CEP131: variants seen among roughly 807,000 people sequenced by gnomAD.
CEP131 encodes the protein centrosomal protein 131, also known as centrosomal protein of 131 kDa.
In CEP131, 99 loss-of-function variants were observed where a neutral mutation model predicts 136.8. That is an observed-to-expected ratio of 0.72 (90% confidence interval 0.62 to 0.86). The LOEUF (loss-of-function observed/expected upper bound fraction) is 0.86. CEP131 is among the 40% of genes least tolerant of loss of function. The probability of loss-of-function intolerance (pLI) is 0.00; values close to 1 mark genes in which losing one functional copy is unlikely to be tolerated. For synonymous variants in CEP131, 646 were observed against 612.7 expected (o/e 1.05, Z -0.80); for missense variants, 1,459 against 1,463.0 (o/e 1.00, Z 0.04).
intron 7 of CEP131, 81 bp from the exon 8 acceptor site, chr17:81,200,527 C>G (rs149451770): frequency 9.1e-7 from 1 of 1,093,978 alleles, no homozygotes; most frequent in Non-Finnish European, 1.3e-6. Flanking sequence ...GAAGGTCGAG[C>G]CGGGGAAGAG....
In CEP131 at chr17:81,195,895, C is replaced by T. The variant is rs1392169145; in HGVS notation, c.1956G>A (p.Leu652=). 1.2e-6 allele frequency: 2 copies of T among 1,609,798 alleles called. No homozygotes were observed. The highest frequency in any genetic ancestry group is 1.7e-5 in the Admixed American group (1 of 60,006). The part of the protein sequence containing the change: ...SEKCEAVVAE[L]KQEDQRCTER... ...CGGTGCATCTCTGGTCCTCCTGCTT[C>T]AGCTCGGCCACCACAGCCTCGCACT... is the stretch of plus-strand genomic sequence containing the variant. The change falls in exon 16 of 26, where the codon CTG becomes CTA. Residue 652 remains leucine, a synonymous_variant. Transcript: ENST00000450824.
At chr17:81,197,283 A>G in intron 13 of CEP131, 1 of 611,914 alleles carries the variant, frequency 1.6e-6, no homozygotes, top group Non-Finnish European at 2.8e-6. Context: ...AAACCATTTA[A>G]AAAGTTCTAT....
chr17:81,207,925 A>C (rs143690848), intron 3 of CEP131, among the ~76,000 whole-genome samples: 2 of 114 alleles, frequency 0.018, no homozygotes, highest in African/African-American at 0.05. Context: ...CATAACACAC[A>C]CACCACACAC....
In CEP131 at chr17:81,203,397, C is replaced by T. The variant is rs913024933; in HGVS notation, c.629+97G>A. 24 of 953,964 alleles carry T rather than the reference C, an allele frequency of 2.5e-5. No individual in the cohort carries two copies. The highest frequency in any genetic ancestry group is 4.9e-4 in the Middle Eastern group (2 of 4,106). The allele number at this position is 953,964 out of a possible 1,614,324, so 59.1% of individuals were successfully genotyped here. On this transcript the variant is annotated intron_variant, in intron 6 of 25. Coordinates refer to ENST00000450824, the MANE Select transcript of CEP131 (RefSeq NM_014984.4). This position sits in a 1 kb window ranked among gnomAD's most constrained non-coding sequence, Gnocchi z 4.6. ...AAGGTAGAACCCTGTGTGAACTGAC[C>T]GCGTGCCCTGACCGAGGTCGGACCC...
chr17:81,200,474 A>G, intron 7 of CEP131, 28 bp from the exon 8 acceptor site: 1 of 1,496,896 alleles, frequency 6.7e-7, no homozygotes, highest in Non-Finnish European at 9.1e-7. Flanking sequence ...CTCAGGGCCA[A>G]GACAGGACCA....
At chr17:81,197,172 A>G (rs2061778184) in intron 13 of CEP131, 117 bp from the exon 14 acceptor site, 7 of 1,412,766 alleles carry the variant, frequency 5.0e-6, no homozygotes, top group Admixed American at 5.6e-5. Context: ...TGCACACGGG[A>G]GCCCGTGGGA....
chr17:81,202,210 GC>G lies in CEP131; in HGVS notation c.788+29del, dbSNP rs749579828. 1.1e-3 allele frequency: 1,536 copies of G among 1,433,718 alleles called. 1 individual carries two copies. The highest frequency in any genetic ancestry group is 2.5e-3 in the Admixed American group (129 of 50,766). 88.8% of individuals were successfully genotyped at this position (1,433,718 alleles called of 1,614,324 possible). A position where few individuals can be genotyped will look rare whatever the true frequency, so the allele number is the denominator to read the frequency against. ...GCCCACCTCTGTGTTCTAGGCTCAG[GC>G]CCCCCCCCACCGCCCCAAGATCGGT... On this transcript the variant is annotated intron_variant, in intron 7 of 25. Coordinates refer to ENST00000450824, the MANE Select transcript of CEP131 (RefSeq NM_014984.4).
chr17:81,217,152 T>A (rs2062265384), intron 2 of CEP131, among the ~76,000 whole-genome samples: 1 of 150,314 alleles, frequency 6.7e-6, no homozygotes, highest in African/African-American at 2.5e-5. Context: ...GGAACCAGAG[T>A]GAATAATGAT....
intron 19 of CEP131, 51 bp downstream of exon 19, chr17:81,192,685 G>GGGGGGGGCGCC: frequency 2.1e-6 from 1 of 478,438 alleles, no homozygotes; most frequent in Non-Finnish European, 4.1e-6. Context: ...GGGGGGAGGG[G>GGGGGGGGCGCC]TCAGCCAGCG....
intron 1 of CEP131, 37 bp from the exon 2 acceptor site, chr17:81,220,110 G>A (rs188498318): frequency 1.2e-5 from 18 of 1,457,936 alleles, no homozygotes; most frequent in Non-Finnish European, 1.6e-5. Context: ...GAGATGCCGT[G>A]GGGGAACTAC....
At chr17:81,210,777 A>AT (rs1204810842) in intron 2 of CEP131, among the ~76,000 whole-genome samples, 4 of 148,356 alleles carry the variant, frequency 2.7e-5, no homozygotes, top group Non-Finnish European at 4.4e-5. Flanking sequence ...TTTCAGAATT[A>AT]TTTTTAAATC....
chr17:81,190,853 C>T (rs1379686189), intron 23 of CEP131, 51 bp from the exon 24 acceptor site: 1 of 1,590,826 alleles, frequency 6.3e-7, no homozygotes. Flanking sequence ...TGGCTGCGTG[C>T]ATGCAGGAGG....
intron 5 of CEP131, among the ~76,000 whole-genome samples, chr17:81,206,130 C>T (rs189961187): frequency 3.9e-5 from 6 of 152,126 alleles, no homozygotes; most frequent in Admixed American, 3.3e-4. Context: ...TGGAGAATCG[C>T]TTGAACCAGG....
chr17:81,204,975 A>C (rs1043362945), intron 5 of CEP131, among the ~76,000 whole-genome samples: 2 of 152,214 alleles, frequency 1.3e-5, no homozygotes, highest in African/African-American at 4.8e-5. Context: ...ATAAAACACT[A>C]AATGGCCGGG....
chr17:81,219,271 C>T lies in CEP131; in HGVS notation c.177+609G>A, dbSNP rs1445988319. Among the ~76,000 whole-genome samples, 2 of 145,226 alleles carry T rather than the reference C, an allele frequency of 1.4e-5. No individual in the cohort carries two copies. The highest frequency in any genetic ancestry group is 3.0e-5 in the Non-Finnish European group (2 of 65,762). ...AGGCCACCAGGAGCTCATCACCCCTCCCCACAGGTCAACCCCATTTCTTTC... is the reference window on the plus strand; with the variant it reads ...AGGCCACCAGGAGCTCATCACCCCTTCCCACAGGTCAACCCCATTTCTTTC... On this transcript the variant is annotated intron_variant, in intron 2 of 25. Transcript: ENST00000450824. The surrounding 1 kb of genome is among the most constrained non-coding windows in gnomAD (Gnocchi z 4.0).
rs745495995 is a variant in CEP131, at chr17:81,194,025, G to A, written c.2222C>T (p.Ala741Val). The change falls in exon 18 of 26, where the codon GCC becomes GTC. Residue 741 changes from alanine (A) to valine (V), a missense_variant. Transcript: ENST00000450824. ...GGCCTGGCGCAGGCAGCGCTGCGAG[G>A]CCCGCTCATCCGACTGCAGCAGCTC... ...EAELLQSDER[A>V]SQRCLRQAEE... 16 of 1,574,596 alleles carry A rather than the reference G, an allele frequency of 1.0e-5. No individual in the cohort carries two copies. Among genetic ancestry groups the A allele is most frequent in the African/African-American group, 1.4e-5 (1 of 73,412 alleles).
Position 81,202,290 on chromosome 17 carries a change from GC to G in CEP131, c.737del (p.Gly246AlafsTer11). On this transcript the variant is annotated frameshift_variant, in exon 7 of 26. Coordinates refer to ENST00000450824, the MANE Select transcript of CEP131 (RefSeq NM_014984.4). LOFTEE classifies it high-confidence loss of function. ...ATHSARNNTGGSTGLPRRKEV... is the reference protein window; with the variant it reads ...ATHSARNNTGXSTGLPRRKEV... ...CCTTCCGCCTGGGCAAGCCCGTGCT[GC>G]CCCCAGTATTGTTCCGGGCTGAGTG... The G allele has an allele frequency of 6.2e-7, 1 of 1,611,992 alleles. No homozygotes were observed. Among genetic ancestry groups the G allele is most frequent in the Non-Finnish European group, 8.5e-7 (1 of 1,179,342 alleles).
rs1056309452 is a variant in CEP131, at chr17:81,191,213, A to G, written c.2745T>C (p.Ser915=). 1 of 1,611,716 alleles carries G rather than the reference A, an allele frequency of 6.2e-7. No homozygotes were observed. The highest frequency in any genetic ancestry group is 8.5e-7 in the Non-Finnish European group (1 of 1,179,636). The change falls in exon 22 of 26, where the codon AGT becomes AGC. Residue 915 remains serine (S), a synonymous_variant. Transcript: ENST00000450824. ...EADMALAKEE[S]EKAAESRIKR... is the part of the protein sequence containing the mutation. ...CTTACCGGCTCTCGGCAGCCTTCTC[A>G]CTCTCCTCCTTGGCCAGCGCCATGT...
chr17:81,205,895 C>T (rs573097007), intron 5 of CEP131, among the ~76,000 whole-genome samples: 1 of 152,182 alleles, frequency 6.6e-6, no homozygotes, highest in African/African-American at 2.4e-5. Flanking sequence ...CTGCCTCTAA[C>T]TTAAAAATAA....
Sources: gnomAD v4.1 joint callset for allele counts (sites outside exome capture counted in the v4.1 genomes callset) on GRCh38, gnomAD v4.1.1 for gene constraint, Gnocchi (gnomAD v3.1) non-coding constraint, MANE v1.5 for transcripts, NCBI Gene and HGNC (gene_info 2026-07-23, HGNC 2026-07-21) for gene names.